Variants in IFNAR2 observed in about 807,000 individuals in gnomAD.
IFNAR2 encodes the protein interferon alpha/beta receptor 2.
A neutral mutation model predicts 49.4 loss-of-function variants in IFNAR2; 30 were observed. The observed-to-expected ratio is 0.61, with a 90% CI of 0.45 to 0.82. The LOEUF is 0.82. Ranked by LOEUF, IFNAR2 falls within the 40% of genes least tolerant of loss-of-function variation. IFNAR2 has a pLI of 0.00. For missense variants in IFNAR2, 600 were observed against 622.7 expected (o/e 0.96, Z 0.39); for synonymous variants, 224 against 234.5 (o/e 0.96, Z 0.41).
chr21:33,263,659 C>T lies in IFNAR2; in HGVS notation c.*159C>T. On this transcript the variant is annotated 3_prime_UTR_variant, in exon 9 of 9. Transcript: ENST00000342136. ...CCAGGTGACATCACCTATGCACATT[C>T]CCAGTATGGGGACCATAGTATCATT... is the stretch of plus-strand genomic sequence containing the variant. 1 of 639,436 alleles carries T rather than the reference C, an allele frequency of 1.6e-6. No homozygotes were observed. Among genetic ancestry groups the T allele is most frequent in the East Asian group, 2.7e-5 (1 of 36,502 alleles). 39.6% of individuals were successfully genotyped at this position (639,436 alleles called of 1,614,324 possible). A position where few individuals can be genotyped will look rare whatever the true frequency, so the allele number is the denominator to read the frequency against.
In IFNAR2 at chr21:33,265,309, T is replaced by G. The variant is rs893273519; in HGVS notation, c.*1809T>G. The G allele has an allele frequency of 2.0e-5, 3 of 152,304 alleles. No homozygotes were observed. The highest frequency in any genetic ancestry group is 6.5e-5 in the Admixed American group (1 of 15,286). 9.4% of individuals were successfully genotyped at this position (152,304 alleles called of 1,614,324 possible). On this transcript the variant is annotated 3_prime_UTR_variant, in exon 9 of 9. Coordinates refer to ENST00000342136, the MANE Select transcript of IFNAR2 (RefSeq NM_001289125.3). ...CCTCACCCCTGCCCCCCTCAAGAGC[T>G]GGTTTCTCAAACCTTTCTCTTAGGC... is the stretch of plus-strand genomic sequence containing the variant.
chr21:33,264,424 G>A lies in IFNAR2; in HGVS notation c.*924G>A, dbSNP rs1330524792. ...AGCCCTCCCCAGTTAAAGTGGGGAA[G>A]ACAGACTTTAGGATCACGTGTGTGA... is the stretch of plus-strand genomic sequence containing the variant. On this transcript the variant is annotated 3_prime_UTR_variant, in exon 9 of 9. Transcript: ENST00000342136. 6.6e-6 allele frequency: 1 copy of A among 151,908 alleles called. No homozygotes were observed. The highest frequency in any genetic ancestry group is 2.4e-5 in the African/African-American group (1 of 41,324). 9.4% of individuals were successfully genotyped at this position (151,908 alleles called of 1,614,324 possible).
chr21:33,231,687 A>G (rs757624260), intron 1 of IFNAR2: 36 of 984,726 alleles, frequency 3.7e-5, no homozygotes, highest in South Asian at 9.4e-5. Context: ...TCAAGAGTCA[A>G]TGGTATGTAT....
At chr21:33,243,736 C>A (rs1987176466) in intron 3 of IFNAR2, 22 bp downstream of exon 3, 2 of 1,591,916 alleles carry the variant, frequency 1.3e-6, no homozygotes, top group Non-Finnish European at 1.7e-6. Flanking sequence ...TTTTTGGCTT[C>A]ACTAAATTTT....
rs1988894527 is a variant in IFNAR2 at position 33,265,427 on chromosome 21, T to C, written c.*1927T>C. On this transcript the variant is annotated 3_prime_UTR_variant, in exon 9 of 9. Coordinates refer to ENST00000342136, the MANE Select transcript of IFNAR2 (RefSeq NM_001289125.3). The stretch of plus-strand genomic sequence containing the variant: ...ATGATTGCTCATAAGGATGAGGCTG[T>C]GAGGAGGGAACACCTTATTTAATCT... 1 of 153,816 alleles carries C rather than the reference T, an allele frequency of 6.5e-6. No individual in the cohort carries two copies. Among genetic ancestry groups the C allele is most frequent in the Non-Finnish European group, 1.5e-5 (1 of 68,868 alleles). The allele number at this position is 153,816 out of a possible 1,614,324, so 9.5% of individuals were successfully genotyped here. A position where few individuals can be genotyped will look rare whatever the true frequency, so the allele number is the denominator to read the frequency against.
At chr21:33,247,936 T>C (rs1386395304) in intron 5 of IFNAR2, among the ~76,000 whole-genome samples, 1 of 152,232 alleles carries the variant, frequency 6.6e-6, no homozygotes, top group Non-Finnish European at 1.5e-5. Flanking sequence ...TGTTTACGTA[T>C]GTGTATAAAC....
rs958199335 is a variant in IFNAR2, at chr21:33,238,027, C to T, written c.-83-3813C>T. Among the ~76,000 whole-genome samples, 2 of 152,098 alleles carry T rather than the reference C, an allele frequency of 1.3e-5. 1 individual carries two copies. Among genetic ancestry groups the T allele is most frequent in the South Asian group, 4.1e-4 (2 of 4,826 alleles). The stretch of plus-strand genomic sequence containing the variant: ...TATAGGTCTGCCTTTCTTTATGGCC[C>T]AGGACATACGACCCTCCTGCACACA... On this transcript the variant is annotated intron_variant, in intron 1 of 8. Coordinates refer to ENST00000342136, the MANE Select transcript of IFNAR2 (RefSeq NM_001289125.3).
intron 6 of IFNAR2, among the ~76,000 whole-genome samples, chr21:33,249,839 T>C (rs1425978155): frequency 6.6e-6 from 1 of 152,114 alleles, no homozygotes; most frequent in Admixed American, 6.5e-5. Context: ...GCTCTGAGGC[T>C]GGAGTGGGCC....
In IFNAR2 at chr21:33,263,522, T is replaced by C. The variant is rs1236329590; in HGVS notation, c.*22T>C. On this transcript the variant is annotated 3_prime_UTR_variant, in exon 9 of 9. Coordinates refer to ENST00000342136, the MANE Select transcript of IFNAR2 (RefSeq NM_001289125.3). ...ATGACTCCAAAACTATTGAATGAAC[T>C]TGGACAGACAAGCACCTACAGGGTT... is the stretch of plus-strand genomic sequence containing the variant. 1.3e-6 allele frequency: 2 copies of C among 1,581,850 alleles called. No homozygotes were observed. The highest frequency in any genetic ancestry group is 3.5e-5 in the Admixed American group (2 of 57,416).
chr21:33,232,239 C>G (rs941672015), intron 1 of IFNAR2, among the ~76,000 whole-genome samples: 1 of 152,122 alleles, frequency 6.6e-6, no homozygotes, highest in African/African-American at 2.4e-5. Context: ...CAGAGCTTGA[C>G]GGCACTGGCC....
At chr21:33,236,767 A>T in intron 1 of IFNAR2, 1 of 984,940 alleles carries the variant, frequency 1.0e-6, no homozygotes, top group Non-Finnish European at 1.2e-6. Context: ...ACATTGAAAG[A>T]TAAAATGGTT....
intron 2 of IFNAR2, 26 bp downstream of exon 2, chr21:33,242,003 C>T: frequency 6.2e-7 from 1 of 1,603,984 alleles, no homozygotes; most frequent in South Asian, 1.1e-5. Context: ...TATCTTAGCT[C>T]TTATAGAAGC....
At chr21:33,234,696 G>T (rs1986317494) in intron 1 of IFNAR2, 1 of 976,154 alleles carries the variant, frequency 1.0e-6, no homozygotes, top group South Asian at 4.7e-5. Flanking sequence ...GTGAATAGCA[G>T]GTAGAGCTCT....
At position 33,230,482 on chromosome 21, in the gene IFNAR2, T is replaced by A; in HGVS notation, c.-84+266T>A. On this transcript the variant is annotated intron_variant, in intron 1 of 8. Coordinates refer to ENST00000342136, the MANE Select transcript of IFNAR2 (RefSeq NM_001289125.3). The surrounding 1 kb of genome is among the most constrained non-coding windows in gnomAD (Gnocchi z 5.5). ...CGCGTCGCCCCTGCTGGGAGTCCGCTTTCGTTGCACCCCTCCGCGTCCCAC... is the reference window on the plus strand; with the variant it reads ...CGCGTCGCCCCTGCTGGGAGTCCGCATTCGTTGCACCCCTCCGCGTCCCAC... 1 of 470,142 alleles carries A rather than the reference T, an allele frequency of 2.1e-6. No individual in the cohort carries two copies. The highest frequency in any genetic ancestry group is 4.4e-6 in the Non-Finnish European group (1 of 226,790). The allele number at this position is 470,142 out of a possible 1,614,324, so 29.1% of individuals were successfully genotyped here. A position where few individuals can be genotyped will look rare whatever the true frequency, so the allele number is the denominator to read the frequency against.
Position 33,246,870 on chromosome 21 carries a change from A to C in IFNAR2, c.374A>C (p.Asn125Thr). The change falls in exon 5 of 9, where the codon AAT becomes ACT. Residue 125 changes from asparagine to threonine, a missense_variant. Transcript: ENST00000342136. Reference protein sequence around the residue: ...GNTTLFSCSHNFWLAIDMSFE... With the variant: ...GNTTLFSCSHTFWLAIDMSFE... The stretch of plus-strand genomic sequence containing the variant: ...ACAACGTTGTTCAGTTGCTCACACA[A>C]TTTCTGGCTGGCCATAGACAGTGAG... 1 of 1,614,032 alleles carries C rather than the reference A, an allele frequency of 6.2e-7. No homozygotes were observed. Among genetic ancestry groups the C allele is most frequent in the Non-Finnish European group, 8.5e-7 (1 of 1,179,952 alleles).
chr21:33,263,223 A>G lies in IFNAR2; in HGVS notation c.1271A>G (p.Asn424Ser). The change falls in exon 9 of 9, where the codon AAT (asparagine) becomes AGT (serine). Residue 424 changes from asparagine (N) to serine (S), a missense_variant. Asn to Ser is a conservative substitution (Grantham distance 46). Transcript: ENST00000342136. The part of the protein sequence containing the change: ...TEGSGGRITF[N>S]VDLNSVFLRV... ...GGGTCTGGGGGCAGAATTACCTTCA[A>G]TGTGGACTTAAACTCTGTGTTTTTG... 1 of 1,614,206 alleles carries G rather than the reference A, an allele frequency of 6.2e-7. No individual in the cohort carries two copies. The highest frequency in any genetic ancestry group is 8.5e-7 in the Non-Finnish European group (1 of 1,180,028).
At chr21:33,251,687 CTG>C in intron 6 of IFNAR2, 2 of 985,010 alleles carry the variant, frequency 2.0e-6, no homozygotes, top group African/African-American at 3.5e-5. Flanking sequence ...ATTTTAAAAA[CTG>C]TAAAACATGA....
intron 1 of IFNAR2, among the ~76,000 whole-genome samples, chr21:33,232,066 T>C (rs1986102407): frequency 6.6e-6 from 1 of 152,206 alleles, no homozygotes; most frequent in South Asian, 2.1e-4. Context: ...TAAAATGCCA[T>C]TGCTTATAAG....
At chr21:33,262,364 C>CAAAAA (rs58341848) in intron 8 of IFNAR2, among the ~76,000 whole-genome samples, 1 of 96,334 alleles carries the variant, frequency 1.0e-5, no homozygotes. Context: ...ACTCCCGTCT[C>CAAAAA]AAAAAAAAAA....
Sources: allele counts gnomAD v4.1 joint callset (sites outside exome capture counted in the v4.1 genomes callset), GRCh38; gene constraint gnomAD v4.1.1; non-coding constraint Gnocchi (gnomAD v3.1); transcripts MANE v1.5; gene names NCBI Gene and HGNC (gene_info 2026-07-23, HGNC 2026-07-21).